ACP1: variants seen among roughly 807,000 people sequenced by gnomAD.
ACP1 encodes the protein acid phosphatase 1, also known as low molecular weight phosphotyrosine protein phosphatase.
Under a neutral mutation model 23.4 loss-of-function variants are expected in ACP1, and 23 were observed. That is an observed-to-expected ratio of 0.98 (90% CI 0.71 to 1.39). ACP1 has a LOEUF of 1.39. ACP1 is among the 40% of genes most tolerant of loss of function. The probability of loss-of-function intolerance (pLI) is 0.00; values close to 1 mark genes in which losing one functional copy is unlikely to be tolerated. For synonymous variants in ACP1, 72 were observed against 67.2 expected (o/e 1.07, Z -0.35); for missense variants, 180 against 197.7 (o/e 0.91, Z 0.54).
At chr2:273,750 T>A (rs1020611766) in intron 3 of ACP1, among the ~76,000 whole-genome samples, 1 of 152,248 alleles carries the variant, frequency 6.6e-6, no homozygotes. Flanking sequence ...TATTGTAACA[T>A]CTAAAAATTA....
chr2:275,115 GT>G (rs1490085807), intron 3 of ACP1, 24 bp from the exon 4 acceptor site: 1 of 1,358,116 alleles, frequency 7.4e-7, no homozygotes, highest in East Asian at 2.3e-5. Context: ...TAAACACTGT[GT>G]TTTGACTTCT....
chr2:273,487 GTGTT>G (rs1670097783), intron 3 of ACP1, among the ~76,000 whole-genome samples: 1 of 152,202 alleles, frequency 6.6e-6, no homozygotes. Flanking sequence ...TTTATGAACA[GTGTT>G]TGTTGGAACA....
intron 1 of ACP1, among the ~76,000 whole-genome samples, chr2:271,517 A>G (rs1670031748): frequency 6.6e-6 from 1 of 152,170 alleles, no homozygotes. Flanking sequence ...ATTTCATTTT[A>G]AAATAAGCTG....
Position 277,096 on chromosome 2 carries a change from T to C in ACP1, c.399+11T>C. 6.2e-7 allele frequency: 1 copy of C among 1,600,560 alleles called. No homozygotes were observed. The highest frequency in any genetic ancestry group is 8.6e-7 in the Non-Finnish European group (1 of 1,167,740). ...GAAGATCCCTATTATGTAAGTACAG[T>C]TCACGTTTTAGGGCTAATATGAAGA... is the stretch of plus-strand genomic sequence containing the variant. On this transcript the variant is annotated intron_variant, in intron 5 of 5. Coordinates refer to ENST00000272065, the MANE Select transcript of ACP1 (RefSeq NM_004300.4).
intron 1 of ACP1, chr2:269,253 A>G (rs1669970007): frequency 2.1e-6 from 1 of 465,726 alleles, no homozygotes; most frequent in Admixed American, 2.4e-5. Context: ...ATTAGCATAT[A>G]GAGGGTATTC....
intron 1 of ACP1, among the ~76,000 whole-genome samples, chr2:267,357 G>C (rs1489566502): frequency 6.6e-6 from 1 of 152,190 alleles, no homozygotes; most frequent in Non-Finnish European, 1.5e-5. Flanking sequence ...ATTAATTGAT[G>C]TGCTCAATCG....
intron 1 of ACP1, 82 bp from the exon 2 acceptor site, chr2:271,784 T>G: frequency 9.4e-7 from 1 of 1,061,008 alleles, no homozygotes; most frequent in East Asian, 2.4e-5. Flanking sequence ...CCCCCGTGTG[T>G]CAGGTGTGTA....
At chr2:271,511 C>A (rs1041073291) in intron 1 of ACP1, among the ~76,000 whole-genome samples, 1 of 152,126 alleles carries the variant, frequency 6.6e-6, no homozygotes. Flanking sequence ...TGTTGTATTT[C>A]ATTTTAAAAT....
chr2:274,878 C>T (rs565593848), intron 3 of ACP1: 8 of 262,040 alleles, frequency 3.1e-5, no homozygotes, highest in South Asian at 1.5e-4. Context: ...GAATTGAAGC[C>T]GATGTATAAA....
At chr2:276,948 CA>C (rs752320474) in intron 4 of ACP1, 31 bp from the exon 5 acceptor site, 1 of 1,399,486 alleles carries the variant, frequency 7.1e-7, no homozygotes, top group Non-Finnish European at 1.0e-6. Flanking sequence ...AACCATAGAT[CA>C]GAAAACTAAG....
chr2:268,874 A>G (rs1210320320), intron 1 of ACP1, among the ~76,000 whole-genome samples: 1 of 152,238 alleles, frequency 6.6e-6, no homozygotes, highest in African/African-American at 2.4e-5. Flanking sequence ...AACTTTCGAA[A>G]TCAACAGGGC....
chr2:276,866 A>G (rs1670187671), intron 4 of ACP1, 114 bp from the exon 5 acceptor site: 2 of 672,750 alleles, frequency 3.0e-6, no homozygotes, highest in Non-Finnish European at 5.2e-6. Context: ...TTCATTTCAA[A>G]TTAGGTCATT....
chr2:277,221 A>G lies in ACP1; in HGVS notation c.400-6A>G, dbSNP rs1670198634. On this transcript the variant is annotated splice_region_variant and splice_polypyrimidine_tract_variant and intron_variant, in intron 5 of 5. Coordinates refer to ENST00000272065, the MANE Select transcript of ACP1 (RefSeq NM_004300.4). Reference sequence around the variant, plus strand: ...TGCCATTTTCTTCTTTTTCCTGTCCATTTAGGGGAATGACTCTGACTTTGA... The same window carrying G: ...TGCCATTTTCTTCTTTTTCCTGTCCGTTTAGGGGAATGACTCTGACTTTGA... 3 of 1,614,014 alleles carry G rather than the reference A, an allele frequency of 1.9e-6. No individual in the cohort carries two copies. Among genetic ancestry groups the G allele is most frequent in the Non-Finnish European group, 2.5e-6 (3 of 1,179,988 alleles).
At chr2:273,788 G>GA (rs1670105183) in intron 3 of ACP1, among the ~76,000 whole-genome samples, 1 of 151,996 alleles carries the variant, frequency 6.6e-6, no homozygotes, top group Non-Finnish European at 1.5e-5. Flanking sequence ...CTTTTTTTAT[G>GA]AAAAATTTAC....
At chr2:271,739 G>A (rs1572196791) in intron 1 of ACP1, 127 bp from the exon 2 acceptor site, 1 of 767,394 alleles carries the variant, frequency 1.3e-6, no homozygotes, top group Non-Finnish European at 2.3e-6. Flanking sequence ...TCAAAGGATA[G>A]TGTTGGCCTT....
rs754275656 is a variant in ACP1, at chr2:264,971, G to A, written c.7G>A (p.Glu3Lys). 6.2e-7 allele frequency: 1 copy of A among 1,612,800 alleles called. No homozygotes were observed. Among genetic ancestry groups the A allele is most frequent in the South Asian group, 1.1e-5 (1 of 90,914 alleles). MA[E>K]QATKSVLFVC... ...CGCCTCTGCGCGCGGGAAGATGGCGGAACAGGCTACCAAGTCCGTGCTGTT... is the reference window on the plus strand; with the variant it reads ...CGCCTCTGCGCGCGGGAAGATGGCGAAACAGGCTACCAAGTCCGTGCTGTT... Residue 3 changes from glutamate to lysine, a missense_variant, in exon 1 of 6, where the codon GAA becomes AAA. By Grantham distance (56) the Glu-to-Lys change is moderately conservative. Around this residue, in one of 3 missense-constraint regions of ACP1, gnomAD observed 132 missense variants for 124.1 expected, o/e 1.06. Coordinates refer to ENST00000272065, the MANE Select transcript of ACP1 (RefSeq NM_004300.4).
In ACP1 at chr2:272,582, T is replaced by C. The variant is rs1014383999; in HGVS notation, c.231+432T>C. 6.8e-6 allele frequency: 6 copies of C among 880,816 alleles called. No individual in the cohort carries two copies. The African/African-American group carries it at 8.5e-5, about 12-fold the overall frequency. 54.6% of individuals were successfully genotyped at this position (880,816 alleles called of 1,614,324 possible). On this transcript the variant is annotated intron_variant, in intron 3 of 5. Coordinates refer to ENST00000272065, the MANE Select transcript of ACP1 (RefSeq NM_004300.4). ...TGAGCGGTGCTCTGTCTTCTGTTCC[T>C]TCCTGCATAATTTTTATTAAACATT...
rs1572191586 is a variant in ACP1, at chr2:265,156, A to C, written c.43+149A>C. On this transcript the variant is annotated intron_variant, in intron 1 of 5. Coordinates refer to ENST00000272065, the MANE Select transcript of ACP1 (RefSeq NM_004300.4). The stretch of plus-strand genomic sequence containing the variant: ...CTAGGGTGTTCTAGGAGTGTGCCGC[A>C]GCGCCCCTGTTCCCCATCCGCCCCG... 6 of 864,944 alleles carry C rather than the reference A, an allele frequency of 6.9e-6. No individual in the cohort carries two copies. The East Asian group carries it at 1.9e-4, about 27-fold the overall frequency. 53.6% of individuals were successfully genotyped at this position (864,944 alleles called of 1,614,324 possible).
rs769115575 is a variant in ACP1 at position 271,878 on chromosome 2, G to A, written c.56G>A (p.Arg19Gln). 1.4e-5 allele frequency: 23 copies of A among 1,612,056 alleles called. No homozygotes were observed. Among genetic ancestry groups the A allele is most frequent in the East Asian group, 2.2e-5 (1 of 44,784 alleles). Reference protein sequence around the residue: ...VLFVCLGNICRSPIAEAVFRK... With the variant: ...VLFVCLGNICQSPIAEAVFRK... Reference sequence around the variant, plus strand: ...CCTTTTTTTAAAGGTAACATTTGTCGATCACCCATTGCAGAAGCAGTTTTC... The same window carrying A: ...CCTTTTTTTAAAGGTAACATTTGTCAATCACCCATTGCAGAAGCAGTTTTC... The change falls in exon 2 of 6, where the codon CGA (arginine) becomes CAA (glutamine). Residue 19 changes from arginine to glutamine, a missense_variant. Arg to Gln is a conservative substitution (Grantham distance 43). Transcript: ENST00000272065.
Sources: gnomAD v4.1 joint callset for allele counts (sites outside exome capture counted in the v4.1 genomes callset) on GRCh38, gnomAD v4.1.1 for gene constraint, gnomAD v4.1.1 regional missense constraint, MANE v1.5 for transcripts, NCBI Gene and HGNC (gene_info 2026-07-23, HGNC 2026-07-21) for gene names.